DCDC1: variants seen among roughly 807,000 people sequenced by gnomAD.
DCDC1 encodes the protein doublecortin domain containing 1, also known as doublecortin domain-containing protein 1.
A neutral mutation model predicts 178.3 loss-of-function variants in DCDC1; 200 were observed. The ratio of observed to expected loss-of-function variants is 1.12; its 90% CI spans 1.00 to 1.26. The LOEUF (loss-of-function observed/expected upper bound fraction) is 1.26. Among genes scored for constraint, DCDC1 ranks in the 50% most tolerant of loss-of-function variants. The pLI is 0.00. For synonymous variants in DCDC1, 690 were observed against 604.8 expected, an observed-to-expected ratio of 1.14 and a Z score of -2.07; for missense variants, 1,983 against 1,749.2, an observed-to-expected ratio of 1.13 and a Z score of -2.38.
intron 11 of DCDC1, among the ~76,000 whole-genome samples, chr11:31,122,773 C>T (rs1454661455): frequency 6.6e-6 from 1 of 152,086 alleles, no homozygotes; most frequent in Non-Finnish European, 1.5e-5. Flanking sequence ...ATGACATGGG[C>T]AAGTTCTTTG....
At chr11:31,249,633 T>A (rs1311141283) in intron 8 of DCDC1, among the ~76,000 whole-genome samples, 1 of 152,124 alleles carries the variant, frequency 6.6e-6, no homozygotes, top group African/African-American at 2.4e-5. Flanking sequence ...CACAACAGGC[T>A]CTTAACTGGC....
chr11:31,258,078 T>C (rs1166873875), intron 8 of DCDC1, among the ~76,000 whole-genome samples: 1 of 152,070 alleles, frequency 6.6e-6, no homozygotes, highest in African/African-American at 2.4e-5. Context: ...GAGAGAAAGA[T>C]TGGTATAAAA....
At chr11:31,042,715 T>C (rs557402782) in intron 20 of DCDC1, among the ~76,000 whole-genome samples, 3 of 152,320 alleles carry the variant, frequency 2.0e-5, no homozygotes, top group African/African-American at 7.2e-5. Context: ...GACACGGTTG[T>C]GGACGTTGCT....
chr11:30,884,090 G>A (rs988133610), intron 36 of DCDC1, among the ~76,000 whole-genome samples: 1 of 142,512 alleles, frequency 7.0e-6, no homozygotes, highest in African/African-American at 2.7e-5. Flanking sequence ...GAGTGCAGTG[G>A]CATGATCAGG....
chr11:31,359,707 G>C (rs963498073), intron 1 of DCDC1, among the ~76,000 whole-genome samples: 1 of 152,192 alleles, frequency 6.6e-6, no homozygotes, highest in African/African-American at 2.4e-5. Context: ...TTTGAGGCCA[G>C]ACCTGTGGTA....
intron 20 of DCDC1, among the ~76,000 whole-genome samples, chr11:31,043,768 T>C (rs1954631530): frequency 6.6e-6 from 1 of 152,064 alleles, no homozygotes. Flanking sequence ...ACTATGAGGC[T>C]GCTGAGCCGG....
chr11:31,195,842 T>C (rs574042282), intron 9 of DCDC1, among the ~76,000 whole-genome samples: 1 of 152,154 alleles, frequency 6.6e-6, no homozygotes, highest in East Asian at 1.9e-4. Context: ...TAAATGTTAC[T>C]GAAAATAAAT....
chr11:30,993,599 A>G (rs989564699), intron 20 of DCDC1, among the ~76,000 whole-genome samples: 3 of 152,126 alleles, frequency 2.0e-5, no homozygotes, highest in Non-Finnish European at 4.4e-5. Flanking sequence ...AGACAATAAT[A>G]ACTGATATCA....
intron 1 of DCDC1, among the ~76,000 whole-genome samples, chr11:31,358,610 C>T (rs971120234): frequency 4.6e-5 from 7 of 152,002 alleles, no homozygotes; most frequent in Admixed American, 3.3e-4. Flanking sequence ...AACTAAAGAG[C>T]TTCTGCACAG....
chr11:30,954,791 C>T (rs78452189), intron 20 of DCDC1, among the ~76,000 whole-genome samples: 1,582 of 152,246 alleles, frequency 0.01, 17 homozygotes, highest in Admixed American at 0.036. Context: ...TTCTGAGATC[C>T]CTTAGCCCCA....
intron 25 of DCDC1, among the ~76,000 whole-genome samples, chr11:30,918,032 T>G (rs1590357381): frequency 1.3e-5 from 2 of 149,690 alleles, no homozygotes; most frequent in Non-Finnish European, 3.0e-5. Context: ...AAGGCAAACC[T>G]CTCCCTTTAC....
At chr11:31,037,411 C>A (rs549578104) in intron 20 of DCDC1, among the ~76,000 whole-genome samples, 5 of 148,718 alleles carry the variant, frequency 3.4e-5, no homozygotes, top group African/African-American at 1.2e-4. Flanking sequence ...GAAAAATTGG[C>A]CTGCCTCTAA....
In DCDC1 at chr11:31,306,454, A is replaced by G; in HGVS notation, c.435-66T>C. 8.2e-6 allele frequency: 12 copies of G among 1,468,226 alleles called. No individual in the cohort carries two copies. The South Asian group carries it at 1.6e-4, about 20-fold the overall frequency. 90.9% of individuals were successfully genotyped at this position (1,468,226 alleles called of 1,614,324 possible). A position where few individuals can be genotyped will look rare whatever the true frequency, so the allele number is the denominator to read the frequency against. On this transcript the variant is annotated intron_variant, in intron 4 of 38. Transcript: ENST00000684477. The stretch of plus-strand genomic sequence containing the variant: ...TAGTGAAAGCTTTTAAATAAATATT[A>G]TCCTGGATTTTTTTAAACAGATATA...
chr11:31,266,265 T>C (rs914400686), intron 7 of DCDC1, among the ~76,000 whole-genome samples: 4 of 152,212 alleles, frequency 2.6e-5, no homozygotes, highest in African/African-American at 9.6e-5. Context: ...TCTTTTAATA[T>C]TACAATATCA....
chr11:30,973,751 T>C (rs760405061), intron 20 of DCDC1, among the ~76,000 whole-genome samples: 8 of 152,038 alleles, frequency 5.3e-5, no homozygotes, highest in Non-Finnish European at 1.0e-4. Context: ...CAAATAATAT[T>C]AAACATAAAG....
chr11:30,881,465 A>G (rs1290722377), intron 36 of DCDC1, among the ~76,000 whole-genome samples, 157 bp from the exon 37 acceptor site: 1 of 152,216 alleles, frequency 6.6e-6, no homozygotes, highest in Non-Finnish European at 1.5e-5. Flanking sequence ...GAAGAAGGGC[A>G]TGCAAATGTT....
chr11:31,368,838 G>C (rs1207078163), intron 1 of DCDC1, among the ~76,000 whole-genome samples: 1 of 151,978 alleles, frequency 6.6e-6, no homozygotes, highest in African/African-American at 2.4e-5. Flanking sequence ...TTCATCTCCA[G>C]GTACAATGCT....
At chr11:30,961,528 G>A (rs970611595) in intron 20 of DCDC1, among the ~76,000 whole-genome samples, 2 of 151,924 alleles carry the variant, frequency 1.3e-5, no homozygotes, top group Non-Finnish European at 2.9e-5. Flanking sequence ...TTTGTTTTAC[G>A]CAAGGTGCTA....
chr11:31,038,517 C>T (rs543057421), intron 20 of DCDC1, among the ~76,000 whole-genome samples: 1 of 152,178 alleles, frequency 6.6e-6, no homozygotes, highest in South Asian at 2.1e-4. Flanking sequence ...ATAATTTGTG[C>T]TATGGATGTT....
Sources: allele counts gnomAD v4.1 joint callset (sites outside exome capture counted in the v4.1 genomes callset), GRCh38; gene constraint gnomAD v4.1.1; transcripts MANE v1.5; gene names NCBI Gene and HGNC (gene_info 2026-07-23, HGNC 2026-07-21).